The following RP1 variants were observed in gnomAD, a reference collection of about 807,000 sequenced individuals.
RP1 encodes the protein oxygen-regulated protein 1.
Under a neutral mutation model 14.8 loss-of-function variants are expected in RP1, and 16 were observed. That is an observed-to-expected ratio of 1.08 (90% CI 0.73 to 1.65). The LOEUF (loss-of-function observed/expected upper bound fraction) is 1.65. RP1 is among the 40% of genes most tolerant of loss of function. RP1 has a pLI of 0.00. For synonymous variants in RP1, 876 were observed against 883.6 expected (o/e 0.99, Z 0.15); for missense variants, 2,631 against 2,535.0 (o/e 1.04, Z -0.81).
At position 54,625,871 on chromosome 8, in the gene RP1, G is replaced by T. The variant is rs372551375; in HGVS notation, c.1989G>T (p.Lys663Asn). 2.4e-5 allele frequency: 38 copies of T among 1,613,628 alleles called. No homozygotes were observed. The Admixed American group carries it at 4.7e-4, about 20-fold the overall frequency. The change falls in exon 4 of 4, where the codon AAG (lysine) becomes AAT (asparagine). Residue 663 changes from lysine to asparagine, a missense_variant. Coordinates refer to ENST00000220676, the MANE Select transcript of RP1 (RefSeq NM_006269.2). ...CAAAACTTCCAAAAAATGAAAAGAAGATTTTGTCATCTGTTGCCAGCAAAA... is the reference window on the plus strand; with the variant it reads ...CAAAACTTCCAAAAAATGAAAAGAATATTTTGTCATCTGTTGCCAGCAAAA... ...GLTKLPKNEK[K>N]ILSSVASKKK...
At chr8:54,716,021 C>T (rs1442708519) in intron 15 of RP1, among the ~76,000 whole-genome samples, 2 of 152,136 alleles carry the variant, frequency 1.3e-5, no homozygotes, top group East Asian at 1.9e-4. Context: ...TGTAAAATGA[C>T]ATTGATTTTT....
At chr8:54,579,857 C>T (rs1250122533) in intron 1 of RP1, among the ~76,000 whole-genome samples, 3 of 152,176 alleles carry the variant, frequency 2.0e-5, no homozygotes, top group African/African-American at 4.8e-5. Flanking sequence ...AGCCTGCACA[C>T]GGGTAACTGC....
exon 25 of RP1, chr8:54,837,620 T>C (rs1463881349): frequency 4.1e-6 from 5 of 1,231,930 alleles, no homozygotes; most frequent in Non-Finnish European, 4.0e-6. Flanking sequence ...ATGATGGCGA[T>C]CTATGGAAGG....
chr8:54,562,416 G>A (rs182591914), intron 1 of RP1, among the ~76,000 whole-genome samples: 283 of 152,240 alleles, frequency 1.9e-3, no homozygotes, highest in Admixed American at 6.0e-3. Flanking sequence ...GGCTGGGTGT[G>A]GTGGCTCACG....
At chr8:54,789,920 A>G (rs1010103560) in intron 24 of RP1, among the ~76,000 whole-genome samples, 1 of 152,070 alleles carries the variant, frequency 6.6e-6, no homozygotes, top group Admixed American at 6.6e-5. Flanking sequence ...GCTAACCCCA[A>G]CTGCAGAGCT....
At chr8:54,573,329 G>A (rs1430420446) in intron 1 of RP1, among the ~76,000 whole-genome samples, 1 of 152,172 alleles carries the variant, frequency 6.6e-6, no homozygotes, top group East Asian at 1.9e-4. Context: ...CAGCCGTGTG[G>A]CATTCAGTTT....
intron 1 of RP1, among the ~76,000 whole-genome samples, chr8:54,585,766 C>T (rs11785529): frequency 0.3 from 45,712 of 152,044 alleles, 8,243 homozygotes; most frequent in Non-Finnish European, 0.41. Context: ...ATCACAGATA[C>T]GCTTTCTTCC....
chr8:54,739,143 A>T (rs1481760926), intron 19 of RP1: 3 of 616,994 alleles, frequency 4.9e-6, no homozygotes, highest in Non-Finnish European at 5.3e-6. Context: ...TCCTTGACTT[A>T]CAGTGGGGTT....
intron 15 of RP1, among the ~76,000 whole-genome samples, chr8:54,709,177 A>G (rs985187990): frequency 2.6e-5 from 4 of 152,214 alleles, no homozygotes; most frequent in Non-Finnish European, 5.9e-5. Context: ...CAGAGTCAGG[A>G]TACATGAGGC....
chr8:54,811,903 G>C (rs957857212), intron 24 of RP1, among the ~76,000 whole-genome samples: 1 of 152,200 alleles, frequency 6.6e-6, no homozygotes, highest in Non-Finnish European at 1.5e-5. Flanking sequence ...GTTTCTGGGT[G>C]TTCCTCACCA....
At chr8:54,745,503 G>A (rs964919540) in intron 19 of RP1, among the ~76,000 whole-genome samples, 1 of 152,130 alleles carries the variant, frequency 6.6e-6, no homozygotes, top group African/African-American at 2.4e-5. Context: ...GAGTTTTTAT[G>A]GTAATGTTCT....
At chr8:54,688,447 T>C (rs1807622301) in intron 12 of RP1, among the ~76,000 whole-genome samples, 1 of 152,192 alleles carries the variant, frequency 6.6e-6, no homozygotes, top group Admixed American at 6.5e-5. Flanking sequence ...TGGTTTTAGG[T>C]CTAACATTTA....
At chr8:54,695,528 G>T (rs1405812161) in intron 12 of RP1, among the ~76,000 whole-genome samples, 2 of 151,806 alleles carry the variant, frequency 1.3e-5, no homozygotes, top group Non-Finnish European at 2.9e-5. Flanking sequence ...TTAAATTCTG[G>T]TATTTATGAA....
At chr8:54,616,953 G>A (rs1805733237) in intron 1 of RP1, among the ~76,000 whole-genome samples, 1 of 152,140 alleles carries the variant, frequency 6.6e-6, no homozygotes, top group East Asian at 1.9e-4. Context: ...CCACAGATAA[G>A]CCTAGCCACA....
At chr8:54,586,493 G>A (rs1431542966) in intron 1 of RP1, among the ~76,000 whole-genome samples, 1 of 152,224 alleles carries the variant, frequency 6.6e-6, no homozygotes, top group Non-Finnish European at 1.5e-5. Flanking sequence ...CTCCAGTTGT[G>A]TGCTGGGAGA....
chr8:54,671,744 C>G lies in RP1; in HGVS notation c.1324-2106C>G, dbSNP rs534983017. Among the ~76,000 whole-genome samples the G allele has an allele frequency of 5.9e-5, 9 of 152,068 alleles. No homozygotes were observed. In the South Asian group the frequency reaches 1.7e-3, roughly 28 times the overall value. ...AATTTACTGATTTCATTTAGTTGGT[C>G]TCTCTGTATTCTTTTTCACTCATTT... is the stretch of plus-strand genomic sequence containing the variant. On this transcript the variant is annotated intron_variant, in intron 7 of 22. Transcript: ENST00000636932.
At chr8:54,573,794 C>A (rs1320962927) in intron 1 of RP1, among the ~76,000 whole-genome samples, 1 of 152,116 alleles carries the variant, frequency 6.6e-6, no homozygotes, top group Non-Finnish European at 1.5e-5. Context: ...AAACACAAAG[C>A]TACATTACAG....
At chr8:54,848,980 T>G (rs1811995347) in intron 25 of RP1, among the ~76,000 whole-genome samples, 1 of 152,132 alleles carries the variant, frequency 6.6e-6, no homozygotes, top group Non-Finnish European at 1.5e-5. Context: ...AACGCCTGAC[T>G]TCAAGTGATC....
intron 19 of RP1, among the ~76,000 whole-genome samples, chr8:54,747,907 C>A (rs1809267228): frequency 6.6e-6 from 1 of 152,266 alleles, no homozygotes; most frequent in African/African-American, 2.4e-5. Context: ...TGCCCCTTCT[C>A]TTGGCCCATG....
Sources: allele counts gnomAD v4.1 joint callset (sites outside exome capture counted in the v4.1 genomes callset), GRCh38; gene constraint gnomAD v4.1.1; transcripts MANE v1.5; gene names NCBI Gene and HGNC (gene_info 2026-07-23, HGNC 2026-07-21).